The following CNIH3 variants were observed in gnomAD, a reference collection of about 807,000 sequenced individuals.
The protein encoded by CNIH3 is cornichon family AMPA receptor auxiliary protein 3.
In CNIH3, 14 loss-of-function variants were observed where a neutral mutation model predicts 24.1. The ratio of observed to expected loss-of-function variants is 0.58; its 90% CI spans 0.38 to 0.91. The LOEUF (loss-of-function observed/expected upper bound fraction) is 0.91, where lower values mean the gene tolerates loss of function less well. Ranked by LOEUF, CNIH3 falls within the 40% of genes least tolerant of loss-of-function variation. The pLI is 0.00. For synonymous variants in CNIH3, 68 were observed against 73.8 expected (o/e 0.92, Z 0.40); for missense variants, 178 against 196.8 (o/e 0.90, Z 0.57).
chr1:224,452,503 C>T (rs1055719463), intron 1 of CNIH3, among the ~76,000 whole-genome samples: 5 of 151,726 alleles, frequency 3.3e-5, no homozygotes, highest in East Asian at 2.0e-4. Context: ...AAGTGTTGGC[C>T]GGGCACGGTG....
chr1:224,523,800 T>C (rs905811367), intron 2 of CNIH3, among the ~76,000 whole-genome samples: 3 of 152,104 alleles, frequency 2.0e-5, no homozygotes, highest in African/African-American at 7.2e-5. Context: ...ATAATAATTA[T>C]CCCTGAGCTG....
intron 3 of CNIH3, among the ~76,000 whole-genome samples, chr1:224,689,192 T>A (rs1296420446): frequency 1.3e-5 from 2 of 152,166 alleles, no homozygotes; most frequent in African/African-American, 4.8e-5. Flanking sequence ...ATTATCCATG[T>A]AACCCACAGT....
At chr1:224,697,597 C>T (rs16852081) in intron 3 of CNIH3, among the ~76,000 whole-genome samples, 4,233 of 152,218 alleles carry the variant, frequency 0.028, 195 homozygotes, top group African/African-American at 0.092. Flanking sequence ...AAGTCATCCA[C>T]GAGCCACGTG....
rs183054856 is a variant in CNIH3, at chr1:224,730,277, G to A, written c.199-185G>A. 6.3e-4 allele frequency: 354 copies of A among 559,668 alleles called. 2 individuals are homozygous for A. In the Middle Eastern group the frequency reaches 0.011, roughly 18 times the overall value. 34.7% of individuals were successfully genotyped at this position (559,668 alleles called of 1,614,324 possible). On this transcript the variant is annotated intron_variant, in intron 3 of 5. Coordinates refer to ENST00000272133, the MANE Select transcript of CNIH3 (RefSeq NM_152495.2). ...GTTTGGGTATAATAAAAAGAGGAGT[G>A]CCATAAAAAGAAGAACTTACCAGAA... is the stretch of plus-strand genomic sequence containing the variant.
chr1:224,573,100 T>A (rs1558172780), intron 4 of CNIH3, among the ~76,000 whole-genome samples: 1 of 152,222 alleles, frequency 6.6e-6, no homozygotes, highest in Non-Finnish European at 1.5e-5. Flanking sequence ...TTCTGTAATA[T>A]CACTAGTAAT....
intron 1 of CNIH3, among the ~76,000 whole-genome samples, chr1:224,667,809 A>T (rs1473480251): frequency 1.3e-5 from 2 of 152,108 alleles, no homozygotes; most frequent in African/African-American, 2.4e-5. Context: ...ATCACAAAGA[A>T]ATTGGCATAC....
rs182636529 is a variant in CNIH3, at chr1:224,495,821, G to A, written n.204-19920G>A. On this transcript the variant is annotated intron_variant and non_coding_transcript_variant, in intron 1 of 5. Coordinates refer to the CNIH3 transcript ENST00000471578. ...GAGCGGGCTGAGTGTGGGCATCATGGCTCACTCCTATAATCCCATCACTTT... is the reference window on the plus strand; with the variant it reads ...GAGCGGGCTGAGTGTGGGCATCATGACTCACTCCTATAATCCCATCACTTT... Among the ~76,000 whole-genome samples, 334 of 152,204 alleles carry A rather than the reference G, an allele frequency of 2.2e-3. 1 individual carries two copies. The highest frequency in any genetic ancestry group is 7.0e-3 in the African/African-American group (290 of 41,520).
At chr1:224,712,133 C>G (rs1688189153) in intron 3 of CNIH3, among the ~76,000 whole-genome samples, 1 of 152,230 alleles carries the variant, frequency 6.6e-6, no homozygotes, top group South Asian at 2.1e-4. Flanking sequence ...CTAAAGTCCA[C>G]TCACTTTCAC....
At chr1:224,593,094 G>A (rs1486165994), downstream of CNIH3, among the ~76,000 whole-genome samples, 1 of 151,804 alleles carries the variant, frequency 6.6e-6, no homozygotes, top group East Asian at 1.9e-4. Flanking sequence ...TCTGTGGCTA[G>A]AGGTTCTCCC....
intron 3 of CNIH3, among the ~76,000 whole-genome samples, chr1:224,594,543 A>G (rs1315828025): frequency 2.0e-5 from 3 of 152,164 alleles, no homozygotes; most frequent in African/African-American, 7.2e-5. Flanking sequence ...GGCACACAGG[A>G]CCACAAGGGA....
intron 2 of CNIH3, among the ~76,000 whole-genome samples, chr1:224,530,594 TTTTTTTTC>T (rs1468452405): frequency 2.0e-5 from 3 of 152,152 alleles, no homozygotes; most frequent in Non-Finnish European, 4.4e-5. Context: ...TACATTTCTT[TTTTTTTTC>T]TTTTTTTCTT....
At chr1:224,472,059 C>T (rs1676395888) in intron 1 of CNIH3, among the ~76,000 whole-genome samples, 1 of 152,040 alleles carries the variant, frequency 6.6e-6, no homozygotes. Context: ...TACTGATTTC[C>T]TTTTTTTGGG....
At chr1:224,661,587 CCTGAAGACAT>C (rs1391459539) in intron 1 of CNIH3, 1 of 378,084 alleles carries the variant, frequency 2.6e-6, no homozygotes, top group African/African-American at 2.2e-5. Flanking sequence ...CAAAAAATTC[CCTGAAGACAT>C]CATCTACGTT....
chr1:224,531,465 C>T (rs1013677211), intron 2 of CNIH3, among the ~76,000 whole-genome samples: 1 of 152,154 alleles, frequency 6.6e-6, no homozygotes, highest in African/African-American at 2.4e-5. Flanking sequence ...AGTGTTAAAG[C>T]TGAGTGTGGA....
chr1:224,476,178 C>A (rs891606097), intron 1 of CNIH3, among the ~76,000 whole-genome samples: 10 of 152,188 alleles, frequency 6.6e-5, no homozygotes, highest in Admixed American at 3.3e-4. Flanking sequence ...CCTCAAATAT[C>A]TGGAACAAGA....
intron 3 of CNIH3, among the ~76,000 whole-genome samples, chr1:224,557,497 G>A (rs1431889187): frequency 2.0e-5 from 3 of 151,952 alleles, no homozygotes; most frequent in Non-Finnish European, 2.9e-5. Context: ...ACAGAGTCTC[G>A]CTCTGTCGCT....
chr1:224,490,157 A>C (rs1350285293), intron 1 of CNIH3, among the ~76,000 whole-genome samples: 1 of 152,246 alleles, frequency 6.6e-6, no homozygotes, highest in Non-Finnish European at 1.5e-5. Context: ...ATCCAATAAA[A>C]AATGCAACAA....
intron 3 of CNIH3, among the ~76,000 whole-genome samples, chr1:224,608,417 C>T (rs1296855097): frequency 6.6e-6 from 1 of 152,142 alleles, no homozygotes; most frequent in Admixed American, 6.5e-5. Flanking sequence ...TGAGCAATTC[C>T]TGTCCCTTTT....
intron 1 of CNIH3, among the ~76,000 whole-genome samples, chr1:224,623,810 G>C (rs1016929076): frequency 6.6e-6 from 1 of 152,082 alleles, no homozygotes; most frequent in Non-Finnish European, 1.5e-5. Context: ...CCACCTGTCT[G>C]TGTCTTCAGC....
Sources: allele counts gnomAD v4.1 joint callset (sites outside exome capture counted in the v4.1 genomes callset), GRCh38; gene constraint gnomAD v4.1.1; transcripts MANE v1.5; gene names NCBI Gene and HGNC (gene_info 2026-07-23, HGNC 2026-07-21).